The following LOC128462377 variants were observed in gnomAD, a reference collection of about 807,000 sequenced individuals.
At chr16:89,392,495 T>C in the LOC128462377 span, 1 of 152,228 alleles carries the variant, frequency 6.6e-6, no homozygotes, top group African/African-American at 2.4e-5. Flanking sequence ...AATGTCTCAA[T>C]GGGTCTGCCA....
the LOC128462377 span, among the ~76,000 whole-genome samples, chr16:89,336,646 A>G: frequency 6.6e-6 from 1 of 151,994 alleles, no homozygotes; most frequent in African/African-American, 2.4e-5. Flanking sequence ...TGGGCACCAC[A>G]CCCCCCGGGT....
chr16:89,356,710 G>C, the LOC128462377 span, among the ~76,000 whole-genome samples: 1 of 150,458 alleles, frequency 6.6e-6, no homozygotes. Flanking sequence ...GAACCCGGGA[G>C]GCCGAGCTTG....
chr16:89,357,718 A>G, the LOC128462377 span, among the ~76,000 whole-genome samples: 2 of 152,066 alleles, frequency 1.3e-5, no homozygotes, highest in Non-Finnish European at 2.9e-5. Context: ...TGCGGACTCC[A>G]CTCACAGGGT....
the LOC128462377 span, among the ~76,000 whole-genome samples, chr16:89,353,539 G>A: frequency 1.0e-4 from 15 of 150,740 alleles, no homozygotes; most frequent in African/African-American, 2.7e-4. Flanking sequence ...GTACAGTGGT[G>A]CAATCTCGGC....
At chr16:89,336,410 G>A in the LOC128462377 span, among the ~76,000 whole-genome samples, 25 of 152,366 alleles carry the variant, frequency 1.6e-4, no homozygotes, top group Non-Finnish European at 3.4e-4. Context: ...AGGAAGGAAG[G>A]AGTCTGTTTG....
At chr16:89,333,704 G>C in the LOC128462377 span, among the ~76,000 whole-genome samples, 1 of 152,172 alleles carries the variant, frequency 6.6e-6, no homozygotes, top group Non-Finnish European at 1.5e-5. Context: ...CGTCTGGATG[G>C]ACCTTGGTTG....
chr16:89,398,521 A>G, the LOC128462377 span, among the ~76,000 whole-genome samples: 2 of 152,232 alleles, frequency 1.3e-5, no homozygotes, highest in African/African-American at 4.8e-5. Context: ...GTGTGAGACC[A>G]GCCTGGGCAA....
At chr16:89,405,774 G>C in the LOC128462377 span, among the ~76,000 whole-genome samples, 1 of 152,070 alleles carries the variant, frequency 6.6e-6, no homozygotes, top group Non-Finnish European at 1.5e-5. Context: ...GGGGCTTAGG[G>C]GTCAAATTCC....
At chr16:89,354,235 C>A in the LOC128462377 span, among the ~76,000 whole-genome samples, 2 of 127,782 alleles carry the variant, frequency 1.6e-5, no homozygotes, top group South Asian at 2.4e-4. Flanking sequence ...CTAAATTTTG[C>A]ATTCAGCCAA....
the LOC128462377 span, among the ~76,000 whole-genome samples, chr16:89,383,016 A>C: frequency 2.6e-5 from 4 of 152,178 alleles, no homozygotes; most frequent in Non-Finnish European, 5.9e-5. Flanking sequence ...TGTAAAGCGT[A>C]ACTTTTAATA....
chr16:89,337,262 C>T, the LOC128462377 span, among the ~76,000 whole-genome samples: 1 of 151,798 alleles, frequency 6.6e-6, no homozygotes, highest in South Asian at 2.1e-4. Flanking sequence ...TGCCCAAATG[C>T]TCCCAAGGAA....
chr16:89,350,580 T>C, the LOC128462377 span, among the ~76,000 whole-genome samples: 1 of 152,126 alleles, frequency 6.6e-6, no homozygotes, highest in Non-Finnish European at 1.5e-5. Context: ...TCATATTAAA[T>C]TCTAGTAAAG....
chr16:89,330,502 G>A, the LOC128462377 span, among the ~76,000 whole-genome samples: 1 of 152,088 alleles, frequency 6.6e-6, no homozygotes, highest in East Asian at 1.9e-4. Context: ...GGGGCTACGT[G>A]AGGGTCCCCG....
chr16:89,392,199 T>C, the LOC128462377 span, among the ~76,000 whole-genome samples: 9 of 152,238 alleles, frequency 5.9e-5, no homozygotes, highest in Non-Finnish European at 1.2e-4. Context: ...CTTCATTCGG[T>C]GTACTCTCGT....
At chr16:89,374,538 G>A in the LOC128462377 span, among the ~76,000 whole-genome samples, 3 of 152,268 alleles carry the variant, frequency 2.0e-5, no homozygotes, top group South Asian at 2.1e-4. Context: ...GGCCTCTGCC[G>A]GCCGCTGTGT....
the LOC128462377 span, chr16:89,324,010 C>A: frequency 3.3e-3 from 726 of 221,296 alleles, 7 homozygotes; most frequent in African/African-American, 0.016. Flanking sequence ...CCCCAGTGTG[C>A]CCAGCTACTT....
the LOC128462377 span, among the ~76,000 whole-genome samples, chr16:89,346,091 A>C: frequency 3.3e-5 from 5 of 151,778 alleles, no homozygotes; most frequent in Admixed American, 1.3e-4. Flanking sequence ...ACAACACAAA[A>C]AAAAAAAATT....
At chr16:89,394,872 T>G in the LOC128462377 span, among the ~76,000 whole-genome samples, 4 of 152,106 alleles carry the variant, frequency 2.6e-5, no homozygotes, top group Non-Finnish European at 4.4e-5. Flanking sequence ...TTAAGGCAGG[T>G]TGGCTGTAGC....
At chr16:89,343,501 G>C in the LOC128462377 span, among the ~76,000 whole-genome samples, 1 of 152,214 alleles carries the variant, frequency 6.6e-6, no homozygotes, top group Non-Finnish European at 1.5e-5. Flanking sequence ...GTGTGAGTGA[G>C]TGAGCGAGCA....
Sources: gnomAD v4.1 joint callset for allele counts (sites outside exome capture counted in the v4.1 genomes callset) on GRCh38, gnomAD v4.1.1 for gene constraint, MANE v1.5 for transcripts.